Variants in ENTPD1 observed in about 807,000 individuals in gnomAD.
The protein encoded by ENTPD1 is ectonucleoside triphosphate diphosphohydrolase 1.
A neutral mutation model predicts 57.0 loss-of-function variants in ENTPD1; 33 were observed. The ratio of observed to expected loss-of-function variants is 0.58; its 90% confidence interval spans 0.44 to 0.77. ENTPD1 has a LOEUF of 0.77. Ranked by LOEUF, ENTPD1 falls within the 30% of genes least tolerant of loss-of-function variation. ENTPD1 has a pLI of 0.00. For synonymous variants in ENTPD1, 202 were observed against 218.8 expected, an observed-to-expected ratio of 0.92 and a Z score of 0.68; for missense variants, 501 against 603.4, an observed-to-expected ratio of 0.83 and a Z score of 1.78.
intron 1 of ENTPD1, among the ~76,000 whole-genome samples, chr10:95,714,576 G>C (rs1306662187): frequency 1.3e-5 from 2 of 152,040 alleles, no homozygotes; most frequent in Admixed American, 1.3e-4. Flanking sequence ...CTGAGTTTAA[G>C]ATTATGTTGA....
chr10:95,817,285 G>C (rs1471366434), intron 1 of ENTPD1, among the ~76,000 whole-genome samples: 1 of 152,162 alleles, frequency 6.6e-6, no homozygotes, highest in Non-Finnish European at 1.5e-5. Flanking sequence ...CCCAGACCTG[G>C]TTTTGGCACA....
chr10:95,802,996 C>T (rs2098256649), intron 1 of ENTPD1, among the ~76,000 whole-genome samples: 1 of 152,114 alleles, frequency 6.6e-6, no homozygotes, highest in African/African-American at 2.4e-5. Context: ...AGCATGATGC[C>T]TCCAGCTTTG....
intron 3 of ENTPD1, 147 bp downstream of exon 3, chr10:95,839,955 C>CT: frequency 4.0e-6 from 3 of 757,136 alleles, no homozygotes; most frequent in Non-Finnish European, 6.7e-6. Flanking sequence ...GTTATGTTAT[C>CT]GTTACAGAAA....
chr10:95,801,826 C>T (rs1035762764), intron 1 of ENTPD1, among the ~76,000 whole-genome samples: 1 of 152,094 alleles, frequency 6.6e-6, no homozygotes, highest in Admixed American at 6.6e-5. Flanking sequence ...TTTCTTGGTT[C>T]CATATGAATT....
At chr10:95,712,688 C>T (rs1240499932) in intron 1 of ENTPD1, among the ~76,000 whole-genome samples, 2 of 152,122 alleles carry the variant, frequency 1.3e-5, no homozygotes, top group African/African-American at 4.8e-5. Context: ...CTGGTGGTCC[C>T]TGGCAAATTT....
chr10:95,711,459 G>A (rs533010314), upstream of ENTPD1, among the ~76,000 whole-genome samples: 5 of 152,224 alleles, frequency 3.3e-5, no homozygotes, highest in South Asian at 6.2e-4. Flanking sequence ...TTGAACCTAA[G>A]CATAAAAGTG....
At chr10:95,828,322 C>T (rs977828178) in intron 2 of ENTPD1, among the ~76,000 whole-genome samples, 3 of 152,170 alleles carry the variant, frequency 2.0e-5, no homozygotes, top group Non-Finnish European at 1.5e-5. Context: ...CCGTTACCCC[C>T]GTATGGGACT....
At chr10:95,771,943 C>T (rs972032558) in intron 1 of ENTPD1, among the ~76,000 whole-genome samples, 8 of 152,058 alleles carry the variant, frequency 5.3e-5, no homozygotes, top group African/African-American at 1.9e-4. Flanking sequence ...AAGTTTTGTT[C>T]CAGACCGCTA....
intron 2 of ENTPD1, among the ~76,000 whole-genome samples, chr10:95,827,242 A>T (rs2098380390): frequency 6.6e-6 from 1 of 152,082 alleles, no homozygotes; most frequent in Non-Finnish European, 1.5e-5. Context: ...TCACGAGGTC[A>T]GGAGTTCAAG....
intron 2 of ENTPD1, among the ~76,000 whole-genome samples, chr10:95,839,037 A>T (rs531695913): frequency 8.5e-5 from 13 of 152,250 alleles, no homozygotes; most frequent in Non-Finnish European, 1.8e-4. Flanking sequence ...ATAATTTAAA[A>T]GTGAGTGTAT....
At chr10:95,832,764 T>C (rs2098400301) in intron 2 of ENTPD1, among the ~76,000 whole-genome samples, 1 of 152,160 alleles carries the variant, frequency 6.6e-6, no homozygotes, top group Non-Finnish European at 1.5e-5. Context: ...ATTCTCTCTA[T>C]GCCTCCCCTT....
chr10:95,728,267 G>A (rs575904722), intron 1 of ENTPD1, among the ~76,000 whole-genome samples: 12 of 151,874 alleles, frequency 7.9e-5, no homozygotes, highest in East Asian at 1.9e-4. Flanking sequence ...TACATATTTT[G>A]TATGTCATAT....
chr10:95,767,963 C>G (rs1374217640), intron 1 of ENTPD1, among the ~76,000 whole-genome samples: 1 of 152,220 alleles, frequency 6.6e-6, no homozygotes. Context: ...GGACTTGAAG[C>G]TGTGAGTTTG....
intron 1 of ENTPD1, among the ~76,000 whole-genome samples, chr10:95,812,186 C>A (rs1368044500): frequency 6.6e-6 from 1 of 152,200 alleles, no homozygotes; most frequent in Non-Finnish European, 1.5e-5. Flanking sequence ...CCATCACAAT[C>A]AAAATCTAGA....
intron 1 of ENTPD1, among the ~76,000 whole-genome samples, chr10:95,805,992 T>C (rs1462640606): frequency 6.6e-6 from 1 of 152,224 alleles, no homozygotes; most frequent in East Asian, 1.9e-4. Context: ...TCTCGAGGAA[T>C]ATCTTTGTGG....
chr10:95,834,037 T>C (rs765292378), intron 2 of ENTPD1, among the ~76,000 whole-genome samples: 8 of 152,224 alleles, frequency 5.3e-5, no homozygotes, highest in Non-Finnish European at 1.0e-4. Context: ...GCATCTGTCT[T>C]ATGAGCTTTT....
Position 95,874,380 on chromosome 10 carries a change from G to C in ENTPD1, c.*7997G>C, listed in dbSNP as rs542748742. Among the ~76,000 whole-genome samples, 1 of 152,312 alleles carries C rather than the reference G, an allele frequency of 6.6e-6. No individual in the cohort carries two copies. The highest frequency in any genetic ancestry group is 1.5e-5 in the Non-Finnish European group (1 of 68,028). ...TTAAAGCTCCATAATGATCTCCTTT[G>C]ACTCCATGTCTCACATTCAGGTCAT... On this transcript the variant is annotated 3_prime_UTR_variant, in exon 10 of 10. Transcript: ENST00000371205.
chr10:95,737,125 G>A (rs1484521359), intron 1 of ENTPD1, among the ~76,000 whole-genome samples: 2 of 152,166 alleles, frequency 1.3e-5, no homozygotes, highest in Admixed American at 6.6e-5. Flanking sequence ...CTCTCAACAA[G>A]TATTTACTGT....
At chr10:95,824,204 G>A (rs1031243266) in intron 2 of ENTPD1, among the ~76,000 whole-genome samples, 5 of 152,078 alleles carry the variant, frequency 3.3e-5, no homozygotes, top group African/African-American at 1.2e-4. Context: ...ATATATAAGG[G>A]CCCAGATGAT....
Sources: allele counts gnomAD v4.1 joint callset (sites outside exome capture counted in the v4.1 genomes callset), GRCh38; gene constraint gnomAD v4.1.1; transcripts MANE v1.5; gene names NCBI Gene and HGNC (gene_info 2026-07-23, HGNC 2026-07-21).